F2RL1: variants seen among roughly 807,000 people sequenced by gnomAD.
The protein encoded by F2RL1 is proteinase-activated receptor 2.
In F2RL1, 16 loss-of-function variants were observed where a neutral mutation model predicts 21.7. That is an observed-to-expected ratio of 0.74 (90% confidence interval 0.50 to 1.12). The LOEUF (loss-of-function observed/expected upper bound fraction) is 1.12, where lower values mean the gene tolerates loss of function less well. Among genes scored for constraint, F2RL1 ranks in the 50% most tolerant of loss-of-function variants. The pLI is 0.00. For synonymous variants in F2RL1, 181 were observed against 186.7 expected (o/e 0.97, Z 0.25); for missense variants, 432 against 477.8 (o/e 0.90, Z 0.89).
intron 1 of F2RL1, among the ~76,000 whole-genome samples, chr5:76,825,461 A>T (rs1390689730): frequency 2.0e-5 from 3 of 152,090 alleles, no homozygotes; most frequent in African/African-American, 7.2e-5. Context: ...GAGTGGGGGG[A>T]TGCTGCCTTG....
chr5:76,828,207 G>A (rs982993188), intron 1 of F2RL1, among the ~76,000 whole-genome samples: 2 of 151,870 alleles, frequency 1.3e-5, no homozygotes, highest in Non-Finnish European at 2.9e-5. Flanking sequence ...GACCTCAGGT[G>A]ATCCACCCAC....
chr5:76,830,844 A>G (rs1750337597), intron 1 of F2RL1, among the ~76,000 whole-genome samples: 1 of 152,192 alleles, frequency 6.6e-6, no homozygotes, highest in South Asian at 2.1e-4. Flanking sequence ...AAGCATTAAG[A>G]TGTGAAAAAT....
intron 1 of F2RL1, among the ~76,000 whole-genome samples, chr5:76,819,855 A>G (rs1248239831): frequency 6.6e-6 from 1 of 151,514 alleles, no homozygotes; most frequent in African/African-American, 2.4e-5. Flanking sequence ...TGCGTTCGAG[A>G]CCCACCCGGG....
rs767030491 is a variant in F2RL1, at chr5:76,833,240, C to T, written c.633C>T (p.Val211=). The change falls in exon 2 of 2, where the codon GTC becomes GTT. Residue 211 remains valine (V), a synonymous_variant. Coordinates refer to ENST00000296677, the MANE Select transcript of F2RL1 (RefSeq NM_005242.6). The stretch of plus-strand genomic sequence containing the variant: ...TGCTGGTCACCATTCCTTTGTATGT[C>T]GTGAAGCAGACCATCTTCATTCCTG... ...LILLVTIPLY[V]VKQTIFIPAL... 7 of 1,613,552 alleles carry T rather than the reference C, an allele frequency of 4.3e-6. No homozygotes were observed. The highest frequency in any genetic ancestry group is 2.2e-5 in the East Asian group (1 of 44,798).
intron 1 of F2RL1, among the ~76,000 whole-genome samples, chr5:76,821,113 C>T (rs1750124427): frequency 6.6e-6 from 1 of 152,090 alleles, no homozygotes. Flanking sequence ...AAGCCTCACT[C>T]CAAAAGACTG....
At chr5:76,832,558 G>A (rs1389125506) in intron 1 of F2RL1, 132 bp from the exon 2 acceptor site, 8 of 932,848 alleles carry the variant, frequency 8.6e-6, no homozygotes, top group Non-Finnish European at 1.3e-5. Flanking sequence ...CTACGCTCCA[G>A]CCTGGGTGAC....
intron 1 of F2RL1, among the ~76,000 whole-genome samples, chr5:76,819,743 G>A (rs1750094698): frequency 6.6e-6 from 1 of 152,088 alleles, no homozygotes; most frequent in African/African-American, 2.4e-5. Context: ...TGATTGCGCA[G>A]GGCAGGGCGG....
chr5:76,823,060 C>G (rs1201318974), intron 1 of F2RL1, among the ~76,000 whole-genome samples: 1 of 152,092 alleles, frequency 6.6e-6, no homozygotes. Context: ...GAAACCCTGT[C>G]TCTACTAAAA....
At chr5:76,821,472 AT>A (rs1750135011) in intron 1 of F2RL1, among the ~76,000 whole-genome samples, 1 of 146,640 alleles carries the variant, frequency 6.8e-6, no homozygotes, top group Non-Finnish European at 1.5e-5. Context: ...CCACTTACTT[AT>A]TTTTTTCCAC....
chr5:76,832,668 C>T (rs779851372), intron 1 of F2RL1, 22 bp from the exon 2 acceptor site: 2 of 1,566,336 alleles, frequency 1.3e-6, no homozygotes, highest in Non-Finnish European at 1.7e-6. Context: ...TGTAATGACC[C>T]TTGTCTTCCT....
Position 76,832,696 on chromosome 5 carries a change from G to A in F2RL1, c.89G>A (p.Ser30Asn), listed in dbSNP as rs616235. Reference protein sequence around the residue: ...LSCSGTIQGTSRSSKGRSLIG... With the variant: ...LSCSGTIQGTNRSSKGRSLIG... ...GTCTTCCTTTCTTGTACAGGAACCA[G>A]TAGATCCTCTAAAGGAAGAAGCCTT... Residue 30 changes from serine (S) to asparagine (N), a missense_variant, in exon 2 of 2, where the codon AGT becomes AAT. Ser to Asn is a conservative substitution (Grantham distance 46). Transcript: ENST00000296677. The A allele has an allele frequency of 0.99, 1,595,276 of 1,603,602 alleles. 794,084 individuals are homozygous for A. The highest frequency in any genetic ancestry group is 1 in the Non-Finnish European group (1,173,752 of 1,173,828).
In F2RL1 at chr5:76,833,651, A is replaced by G. The variant is rs141069352; in HGVS notation, c.1044A>G (p.Ser348=). The G allele has an allele frequency of 4.0e-5, 65 of 1,613,686 alleles. No individual in the cohort carries two copies. Among genetic ancestry groups the G allele is most frequent in the Middle Eastern group, 1.6e-4 (1 of 6,082 alleles). Residue 348 remains serine, a synonymous_variant, in exon 2 of 2, where the codon TCA becomes TCG. Transcript: ENST00000296677. ...ACCCCTTTGTCTATTACTTTGTTTC[A>G]CATGATTTCAGGGATCATGCAAAGA... ...CIDPFVYYFV[S]HDFRDHAKNA... is the part of the protein sequence containing the mutation.
chr5:76,827,248 G>A (rs1018473734), intron 1 of F2RL1, among the ~76,000 whole-genome samples: 5 of 149,878 alleles, frequency 3.3e-5, no homozygotes, highest in Non-Finnish European at 5.9e-5. Context: ...TTGGGAGGCC[G>A]AGGTGGGCGG....
At chr5:76,820,368 C>T (rs1414485411) in intron 1 of F2RL1, among the ~76,000 whole-genome samples, 1 of 152,136 alleles carries the variant, frequency 6.6e-6, no homozygotes, top group Non-Finnish European at 1.5e-5. Context: ...TTATCCTCCT[C>T]TTCATAAAGA....
chr5:76,823,409 C>T (rs1750179643), intron 1 of F2RL1, among the ~76,000 whole-genome samples: 1 of 137,292 alleles, frequency 7.3e-6, no homozygotes, highest in Non-Finnish European at 1.5e-5. Flanking sequence ...CTCGCTGTGT[C>T]GCCCAGGCTG....
In F2RL1 at chr5:76,833,884, ATC is replaced by A; in HGVS notation, c.*84_*85del. The A allele has an allele frequency of 1.4e-6, 2 of 1,443,984 alleles. No individual in the cohort carries two copies. The highest frequency in any genetic ancestry group is 1.4e-5 in the African/African-American group (1 of 70,612). 89.4% of individuals were successfully genotyped at this position (1,443,984 alleles called of 1,614,324 possible). On this transcript the variant is annotated 3_prime_UTR_variant, in exon 2 of 2. Transcript: ENST00000296677. The stretch of plus-strand genomic sequence containing the variant: ...ATGAGGACGTGTCTGTTATTTCCTA[ATC>A]AAAAAGGTCTCACCACATACCATGT...
intron 1 of F2RL1, among the ~76,000 whole-genome samples, chr5:76,830,910 TTATGA>T (rs1289212328): frequency 1.3e-5 from 2 of 152,102 alleles, no homozygotes; most frequent in African/African-American, 4.8e-5. Flanking sequence ...AAGCATAACA[TTATGA>T]GATAAGAGCA....
At chr5:76,821,890 T>C (rs1422768245) in intron 1 of F2RL1, among the ~76,000 whole-genome samples, 1 of 152,084 alleles carries the variant, frequency 6.6e-6, no homozygotes, top group Non-Finnish European at 1.5e-5. Flanking sequence ...CTATAATTGT[T>C]TTTTAAATTA....
intron 1 of F2RL1, among the ~76,000 whole-genome samples, chr5:76,819,729 G>A (rs1409633707): frequency 6.6e-6 from 1 of 152,066 alleles, no homozygotes; most frequent in Non-Finnish European, 1.5e-5. Context: ...TGGGGTTAGC[G>A]AGCTGATTGC....
Sources: allele counts gnomAD v4.1 joint callset (sites outside exome capture counted in the v4.1 genomes callset), GRCh38; gene constraint gnomAD v4.1.1; transcripts MANE v1.5; gene names NCBI Gene and HGNC (gene_info 2026-07-23, HGNC 2026-07-21).